The following SCHIP1 variants were observed in gnomAD, a reference collection of about 807,000 sequenced individuals.
SCHIP1 encodes schwannomin-interacting protein 1.
SCHIP1 carries 8 observed loss-of-function variants against 29.7 expected under a neutral mutation model. That is an observed-to-expected ratio of 0.27 (90% CI 0.16 to 0.49). SCHIP1 has a LOEUF of 0.49. Among genes scored for constraint, SCHIP1 ranks in the 20% least tolerant of loss-of-function variants. The probability of loss-of-function intolerance (pLI) is 0.99; values close to 1 mark genes in which losing one functional copy is unlikely to be tolerated. For synonymous variants in SCHIP1, 76 were observed against 94.9 expected, an observed-to-expected ratio of 0.80 and a Z score of 1.16; for missense variants, 193 against 294.6, an observed-to-expected ratio of 0.66 and a Z score of 2.52.
chr3:159,442,744 C>T, the SCHIP1 span, among the ~76,000 whole-genome samples: 10 of 152,176 alleles, frequency 6.6e-5, no homozygotes, highest in Non-Finnish European at 1.5e-4. Context: ...TAAGAGGCTA[C>T]TGCTTTGGTC....
intron 2 of SCHIP1, among the ~76,000 whole-genome samples, chr3:159,883,303 C>G (rs778023784): frequency 4.6e-5 from 7 of 152,076 alleles, no homozygotes; most frequent in Admixed American, 1.3e-4. Flanking sequence ...AAATTAGGCA[C>G]CCTGCAGCCT....
the SCHIP1 span, among the ~76,000 whole-genome samples, chr3:159,800,282 A>C: frequency 1.3e-5 from 2 of 152,186 alleles, no homozygotes; most frequent in African/African-American, 4.8e-5. Flanking sequence ...AGTCGAGTGT[A>C]ATTGAGCAGT....
the SCHIP1 span, among the ~76,000 whole-genome samples, chr3:159,335,805 C>T: frequency 3.6e-4 from 54 of 152,108 alleles, no homozygotes; most frequent in Non-Finnish European, 5.4e-4. Context: ...AATAAGCATA[C>T]GTGTGCATGT....
chr3:159,419,626 T>C, the SCHIP1 span, among the ~76,000 whole-genome samples: 2 of 152,068 alleles, frequency 1.3e-5, no homozygotes, highest in African/African-American at 4.8e-5. Context: ...CTGGCCAACA[T>C]GGTGAAACCC....
chr3:159,839,788 GA>G (rs1744040909), upstream of SCHIP1: 6 of 822,692 alleles, frequency 7.3e-6, no homozygotes, highest in Middle Eastern at 3.9e-4. Context: ...CGTTAATGAG[GA>G]CTAGAATGTT....
chr3:159,425,513 C>T, the SCHIP1 span, among the ~76,000 whole-genome samples: 1 of 152,026 alleles, frequency 6.6e-6, no homozygotes, highest in Non-Finnish European at 1.5e-5. Context: ...ATATATGCGC[C>T]CAACACAGGA....
At chr3:159,758,026 T>C in the SCHIP1 span, among the ~76,000 whole-genome samples, 2 of 152,240 alleles carry the variant, frequency 1.3e-5, no homozygotes, top group Admixed American at 6.5e-5. Flanking sequence ...TCCATGCCTA[T>C]GACTTATAAT....
the SCHIP1 span, among the ~76,000 whole-genome samples, chr3:159,468,756 A>AATAT: frequency 7.9e-3 from 982 of 123,792 alleles, 14 homozygotes; most frequent in African/African-American, 0.022. Context: ...TATATAATAT[A>AATAT]ATATATATAT....
the SCHIP1 span, among the ~76,000 whole-genome samples, chr3:159,623,572 G>A: frequency 4.3e-4 from 65 of 152,156 alleles, no homozygotes; most frequent in Non-Finnish European, 2.6e-4. Context: ...GTTGCAGTGA[G>A]CTGAGATCGT....
At chr3:159,733,023 C>A in the SCHIP1 span, among the ~76,000 whole-genome samples, 1 of 152,132 alleles carries the variant, frequency 6.6e-6, no homozygotes, top group Non-Finnish European at 1.5e-5. Flanking sequence ...AATAAATAAA[C>A]AAGACTATGA....
the SCHIP1 span, among the ~76,000 whole-genome samples, chr3:159,746,725 C>T: frequency 6.6e-6 from 1 of 152,184 alleles, no homozygotes; most frequent in Non-Finnish European, 1.5e-5. Context: ...CTGCAATATT[C>T]ACTCTCTTTC....
At chr3:159,864,258 G>A (rs1312901177) in intron 1 of SCHIP1, among the ~76,000 whole-genome samples, 1 of 152,084 alleles carries the variant, frequency 6.6e-6, no homozygotes, top group Admixed American at 6.5e-5. Flanking sequence ...CGGAAAGGTG[G>A]TTTGCCCTAA....
the SCHIP1 span, among the ~76,000 whole-genome samples, chr3:159,706,001 G>T: frequency 6.6e-6 from 1 of 152,262 alleles, no homozygotes; most frequent in Admixed American, 6.5e-5. Context: ...CACCGCACCA[G>T]GCCTTAGGAT....
chr3:159,869,388 T>C (rs1368426705), intron 2 of SCHIP1, among the ~76,000 whole-genome samples: 1 of 151,988 alleles, frequency 6.6e-6, no homozygotes, highest in East Asian at 1.9e-4. Flanking sequence ...TTTAAAAGTC[T>C]GCAATCAGTC....
At chr3:159,659,981 A>G in the SCHIP1 span, among the ~76,000 whole-genome samples, 2 of 152,304 alleles carry the variant, frequency 1.3e-5, no homozygotes, top group South Asian at 4.2e-4. Context: ...AACATAGGAC[A>G]CCATCGAGTC....
chr3:159,514,550 A>C, the SCHIP1 span, among the ~76,000 whole-genome samples: 6 of 152,246 alleles, frequency 3.9e-5, no homozygotes, highest in Admixed American at 6.5e-5. Flanking sequence ...CCGATGAAGA[A>C]GTGCAGTCAA....
chr3:159,765,076 G>A, the SCHIP1 span: 3 of 1,568,972 alleles, frequency 1.9e-6, no homozygotes, highest in South Asian at 3.5e-5. Flanking sequence ...GCATCTGGCC[G>A]GGCTGCAGTT....
chr3:159,737,765 G>T, the SCHIP1 span, among the ~76,000 whole-genome samples: 1 of 152,186 alleles, frequency 6.6e-6, no homozygotes, highest in South Asian at 2.1e-4. Flanking sequence ...TAACTTGTCT[G>T]TCAACTCCAA....
chr3:159,743,424 A>G, the SCHIP1 span, among the ~76,000 whole-genome samples: 1 of 152,346 alleles, frequency 6.6e-6, no homozygotes, highest in Non-Finnish European at 1.5e-5. Context: ...ATACTTAACA[A>G]CAACCTGGAT....
Sources: allele counts gnomAD v4.1 joint callset (sites outside exome capture counted in the v4.1 genomes callset), GRCh38; gene constraint gnomAD v4.1.1; transcripts MANE v1.5; gene names NCBI Gene and HGNC (gene_info 2026-07-23, HGNC 2026-07-21).